Variants in KIAA1328 observed in about 807,000 individuals in gnomAD.
The protein encoded by KIAA1328 is KIAA1328.
A neutral mutation model predicts 68.1 loss-of-function variants in KIAA1328; 52 were observed. The ratio of observed to expected loss-of-function variants is 0.76; its 90% confidence interval spans 0.61 to 0.96. The LOEUF is 0.96. Ranked by LOEUF, KIAA1328 falls within the 40% of genes least tolerant of loss-of-function variation. KIAA1328 has a pLI of 0.00. For missense variants in KIAA1328, 641 were observed against 677.6 expected, an observed-to-expected ratio of 0.95 and a Z score of 0.60; for synonymous variants, 232 against 239.4, an observed-to-expected ratio of 0.97 and a Z score of 0.28.
chr18:37,079,955 A>T (rs1468897584), intron 7 of KIAA1328, among the ~76,000 whole-genome samples: 1 of 151,778 alleles, frequency 6.6e-6, no homozygotes, highest in African/African-American at 2.4e-5. Flanking sequence ...TTTATGCAGT[A>T]ACTATGTCAA....
At chr18:37,206,769 A>C (rs2060224033) in intron 9 of KIAA1328, among the ~76,000 whole-genome samples, 1 of 152,214 alleles carries the variant, frequency 6.6e-6, no homozygotes, top group Non-Finnish European at 1.5e-5. Flanking sequence ...GTGTCTTTTA[A>C]CTAAGATAAC....
intron 5 of KIAA1328, among the ~76,000 whole-genome samples, chr18:36,914,060 G>A (rs1294194048): frequency 1.3e-5 from 2 of 152,122 alleles, no homozygotes; most frequent in Non-Finnish European, 2.9e-5. Context: ...CATCTAAGTG[G>A]TATAAATTTT....
Position 36,848,789 on chromosome 18 carries a change from A to G in KIAA1328, c.332+4487A>G, listed in dbSNP as rs372588002. Reference sequence around the variant, plus strand: ...TCATAAATTGGAGTAGAATTTGTCAATTTTTTTTTATCTTTTATTGCTGAA... The same window carrying G: ...TCATAAATTGGAGTAGAATTTGTCAGTTTTTTTTTATCTTTTATTGCTGAA... On this transcript the variant is annotated intron_variant, in intron 4 of 9. Coordinates refer to ENST00000280020, the MANE Select transcript of KIAA1328 (RefSeq NM_020776.3). Among the ~76,000 whole-genome samples, 66 of 149,506 alleles carry G rather than the reference A, an allele frequency of 4.4e-4. 1 individual carries two copies. The highest frequency in any genetic ancestry group is 1.6e-3 in the African/African-American group (66 of 40,850).
intron 9 of KIAA1328, among the ~76,000 whole-genome samples, chr18:37,181,004 AAGCTC>A (rs1378915667): frequency 6.6e-6 from 1 of 152,142 alleles, no homozygotes; most frequent in Non-Finnish European, 1.5e-5. Context: ...ATGACTGTTA[AAGCTC>A]AGCTTCAAAA....
intron 9 of KIAA1328, among the ~76,000 whole-genome samples, chr18:37,195,772 T>G (rs1322885013): frequency 6.6e-6 from 1 of 152,214 alleles, no homozygotes; most frequent in Non-Finnish European, 1.5e-5. Flanking sequence ...TCAGGCTTTC[T>G]TTAGCTATTT....
chr18:36,851,314 G>A (rs78622482), intron 4 of KIAA1328, among the ~76,000 whole-genome samples: 43,066 of 151,808 alleles, frequency 0.28, 6,471 homozygotes, highest in East Asian at 0.44. Flanking sequence ...AGGTAATGCC[G>A]GCCTCATAAC....
chr18:37,071,909 A>G (rs2056546838), intron 7 of KIAA1328, among the ~76,000 whole-genome samples: 1 of 152,234 alleles, frequency 6.6e-6, no homozygotes. Context: ...CATTGAGAAT[A>G]GAACAAGAGA....
chr18:37,077,185 T>C (rs145193602), intron 7 of KIAA1328, among the ~76,000 whole-genome samples: 1 of 142,134 alleles, frequency 7.0e-6, no homozygotes, highest in Non-Finnish European at 1.5e-5. Context: ...TCAATATACG[T>C]AAATCAATAA....
intron 4 of KIAA1328, among the ~76,000 whole-genome samples, chr18:36,868,610 A>T (rs1294538840): frequency 1.3e-5 from 2 of 152,162 alleles, no homozygotes; most frequent in Non-Finnish European, 2.9e-5. Flanking sequence ...TAAAGGAAAA[A>T]AGTTTCAAAG....
intron 7 of KIAA1328, among the ~76,000 whole-genome samples, chr18:37,077,403 T>C (rs1418875186): frequency 6.7e-6 from 1 of 148,540 alleles, no homozygotes; most frequent in Non-Finnish European, 1.5e-5. Flanking sequence ...ACTGGAAGCA[T>C]TCCCTCTGAA....
chr18:36,912,964 A>G (rs2049516764), intron 5 of KIAA1328, among the ~76,000 whole-genome samples: 1 of 152,160 alleles, frequency 6.6e-6, no homozygotes, highest in African/African-American at 2.4e-5. Context: ...GTTTTAGTCA[A>G]TTTCATAATC....
At chr18:37,088,638 A>T (rs1030598545) in intron 7 of KIAA1328, among the ~76,000 whole-genome samples, 8 of 152,012 alleles carry the variant, frequency 5.3e-5, no homozygotes, top group African/African-American at 1.9e-4. Flanking sequence ...TTACTTGCTT[A>T]TGGTAGAAAG....
At chr18:37,220,819 T>G (rs140116191) in intron 9 of KIAA1328, among the ~76,000 whole-genome samples, 10 of 152,238 alleles carry the variant, frequency 6.6e-5, no homozygotes, top group East Asian at 5.8e-4. Flanking sequence ...TTTTTGTTTG[T>G]TTGGTTGGTT....
chr18:37,096,176 A>G (rs1212187789), intron 7 of KIAA1328, among the ~76,000 whole-genome samples: 1 of 152,012 alleles, frequency 6.6e-6, no homozygotes, highest in Non-Finnish European at 1.5e-5. Flanking sequence ...TGCTGCACCC[A>G]TTAACTCGTC....
intron 5 of KIAA1328, among the ~76,000 whole-genome samples, chr18:36,955,379 G>A (rs1247976404): frequency 1.3e-5 from 2 of 148,494 alleles, no homozygotes; most frequent in Admixed American, 6.7e-5. Context: ...GAGTGATCTC[G>A]GCTCACTGCA....
chr18:37,059,420 C>T (rs923077698), intron 6 of KIAA1328, among the ~76,000 whole-genome samples: 1 of 151,950 alleles, frequency 6.6e-6, no homozygotes, highest in Non-Finnish European at 1.5e-5. Context: ...TTTATGTGAC[C>T]AACAAACATA....
At chr18:37,208,567 T>A (rs906483151) in intron 9 of KIAA1328, among the ~76,000 whole-genome samples, 6 of 152,108 alleles carry the variant, frequency 3.9e-5, no homozygotes, top group Admixed American at 3.9e-4. Context: ...AAGTTGAGGA[T>A]GACAGAGCAG....
intron 5 of KIAA1328, among the ~76,000 whole-genome samples, chr18:36,958,018 G>T (rs1170857395): frequency 1.3e-5 from 2 of 151,838 alleles, no homozygotes; most frequent in Non-Finnish European, 2.9e-5. Context: ...GTATATATTT[G>T]CCTGTTCTGA....
intron 7 of KIAA1328, among the ~76,000 whole-genome samples, chr18:37,103,967 A>G (rs1054693635): frequency 4.6e-5 from 7 of 152,136 alleles, no homozygotes; most frequent in African/African-American, 1.7e-4. Context: ...ACCACAGTGA[A>G]GTATCATCTC....
Sources: gnomAD v4.1 joint callset for allele counts (sites outside exome capture counted in the v4.1 genomes callset) on GRCh38, gnomAD v4.1.1 for gene constraint, MANE v1.5 for transcripts, NCBI Gene and HGNC (gene_info 2026-07-23, HGNC 2026-07-21) for gene names.